The following GLDC variants were observed in gnomAD, a reference collection of about 807,000 sequenced individuals.
GLDC encodes the protein glycine dehydrogenase (decarboxylating), mitochondrial.
A neutral mutation model predicts 121.3 loss-of-function variants in GLDC; 104 were observed. The observed-to-expected ratio is 0.86, with a 90% CI of 0.73 to 1.01. The LOEUF (loss-of-function observed/expected upper bound fraction) is 1.01, where lower values mean the gene tolerates loss of function less well. Ranked by LOEUF, GLDC falls within the 50% of genes least tolerant of loss-of-function variation. The pLI, the probability that GLDC is intolerant of heterozygous loss-of-function variation, is 0.00. For missense variants in GLDC, 1,429 were observed against 1,306.6 expected (o/e 1.09, Z -1.44); for synonymous variants, 546 against 480.6 (o/e 1.14, Z -1.78).
intron 2 of GLDC, among the ~76,000 whole-genome samples, chr9:6,630,666 A>C (rs1819357340): frequency 1.3e-5 from 2 of 152,178 alleles, no homozygotes; most frequent in African/African-American, 4.8e-5. Context: ...CCAACATCCT[A>C]ATCCTCAGCT....
intron 15 of GLDC, among the ~76,000 whole-genome samples, chr9:6,572,941 G>GT: frequency 6.6e-6 from 1 of 152,188 alleles, no homozygotes; most frequent in East Asian, 1.9e-4. Flanking sequence ...TCACAAACAG[G>GT]TATTTCCTGC....
intron 15 of GLDC, among the ~76,000 whole-genome samples, chr9:6,586,764 G>C (rs560988685): frequency 8.5e-5 from 13 of 152,290 alleles, no homozygotes; most frequent in Non-Finnish European, 1.6e-4. Flanking sequence ...AATCTGGAAG[G>C]GATGCAGTGT....
chr9:6,587,413 AATTT>A, intron 14 of GLDC, 130 bp from the exon 15 acceptor site: 1 of 711,254 alleles, frequency 1.4e-6, no homozygotes, highest in East Asian at 2.7e-5. Flanking sequence ...TACATATGTT[AATTT>A]ATTTAAGTTC....
At chr9:6,543,711 T>C (rs149243987) in intron 21 of GLDC, among the ~76,000 whole-genome samples, 4 of 152,296 alleles carry the variant, frequency 2.6e-5, no homozygotes, top group East Asian at 1.9e-4. Flanking sequence ...GATCCTAAGA[T>C]GTTCTTTGCA....
intron 2 of GLDC, among the ~76,000 whole-genome samples, chr9:6,642,960 G>A (rs1819657948): frequency 6.6e-6 from 1 of 151,666 alleles, no homozygotes; most frequent in Admixed American, 6.6e-5. Flanking sequence ...GTGCAGTGGA[G>A]CCATCTTGGC....
chr9:6,633,937 C>A (rs1376221372), intron 2 of GLDC, among the ~76,000 whole-genome samples: 1 of 144,330 alleles, frequency 6.9e-6, no homozygotes, highest in East Asian at 2.1e-4. Context: ...TCACGCCATT[C>A]TCCTGCCTCA....
intron 5 of GLDC, chr9:6,605,873 G>T (rs1432321331): frequency 1.1e-5 from 2 of 174,060 alleles, no homozygotes; most frequent in Non-Finnish European, 2.5e-5. Flanking sequence ...TCTCACCTAG[G>T]GACTCTGCAC....
intron 8 of GLDC, among the ~76,000 whole-genome samples, chr9:6,599,195 A>G (rs1022988598): frequency 6.6e-6 from 1 of 152,010 alleles, no homozygotes; most frequent in African/African-American, 2.4e-5. Flanking sequence ...AAAAAAAAAA[A>G]AAAGAAAGAA....
chr9:6,536,756 AATATT>A (rs1817137382), intron 22 of GLDC, among the ~76,000 whole-genome samples: 2 of 152,198 alleles, frequency 1.3e-5, no homozygotes, highest in Non-Finnish European at 2.9e-5. Context: ...GAGAAATAAA[AATATT>A]ATAGCTTATC....
At chr9:6,622,913 G>T in intron 2 of GLDC, 1 of 209,238 alleles carries the variant, frequency 4.8e-6, no homozygotes, top group Non-Finnish European at 9.6e-6. Flanking sequence ...GGGATGTGAG[G>T]AGCACCTCTG....
chr9:6,614,625 G>A (rs1429289978), intron 3 of GLDC, among the ~76,000 whole-genome samples: 1 of 151,290 alleles, frequency 6.6e-6, no homozygotes, highest in African/African-American at 2.4e-5. Flanking sequence ...CTGGGCTCAA[G>A]TGATCCTTCC....
At position 6,592,271 on chromosome 9, in the gene GLDC, T is replaced by C. The variant is rs377574365; in HGVS notation, c.1402-48A>G. 48 of 1,131,992 alleles carry C rather than the reference T, an allele frequency of 4.2e-5. No individual in the cohort carries two copies. In the African/African-American group the frequency reaches 5.9e-4, roughly 14 times the overall value. The allele number at this position is 1,131,992 out of a possible 1,614,324, so 70.1% of individuals were successfully genotyped here. ...GAAAACATCAACTCTAAACTCCACA[T>C]CACTGGAGGAATCCCAAGAGAGGTC... On this transcript the variant is annotated intron_variant, in intron 10 of 24. Coordinates refer to ENST00000321612, the MANE Select transcript of GLDC (RefSeq NM_000170.3).
chr9:6,575,351 C>A (rs1478093746), intron 15 of GLDC, among the ~76,000 whole-genome samples: 17 of 152,204 alleles, frequency 1.1e-4, no homozygotes, highest in African/African-American at 4.1e-4. Context: ...TAACATGCAG[C>A]CAGGTCCAAG....
At chr9:6,631,462 C>T (rs1819376004) in intron 2 of GLDC, among the ~76,000 whole-genome samples, 1 of 152,222 alleles carries the variant, frequency 6.6e-6, no homozygotes, top group South Asian at 2.1e-4. Context: ...TATTTTACTC[C>T]TTGAACTTGG....
chr9:6,639,396 G>A (rs1287536651), intron 2 of GLDC: 13 of 750,072 alleles, frequency 1.7e-5, no homozygotes, highest in East Asian at 1.4e-4. Context: ...CCACTGAGTC[G>A]CCATGAAGAA....
intron 1 of GLDC, among the ~76,000 whole-genome samples, 155 bp downstream of exon 1, chr9:6,645,090 A>C (rs1819713862): frequency 6.6e-6 from 1 of 152,216 alleles, no homozygotes; most frequent in Admixed American, 6.5e-5. Flanking sequence ...ACGAGGACCA[A>C]AGGCACGAAT....
intron 2 of GLDC, among the ~76,000 whole-genome samples, chr9:6,623,679 T>TG (rs1238120814): frequency 3.3e-5 from 5 of 152,196 alleles, no homozygotes; most frequent in African/African-American, 1.2e-4. Context: ...AAGAGAGTCT[T>TG]GAAGTTATTA....
intron 20 of GLDC, 126 bp downstream of exon 20, chr9:6,553,242 T>A (rs1817552076): frequency 4.7e-6 from 4 of 850,706 alleles, no homozygotes; most frequent in Non-Finnish European, 5.7e-6. Flanking sequence ...TCAGCAATAT[T>A]CTTTGAACCA....
intron 15 of GLDC, among the ~76,000 whole-genome samples, chr9:6,581,423 C>G (rs1344891292): frequency 6.6e-6 from 1 of 152,208 alleles, no homozygotes; most frequent in African/African-American, 2.4e-5. Context: ...ACATAAACTT[C>G]TTGTACTGAA....
Sources: gnomAD v4.1 joint callset for allele counts (sites outside exome capture counted in the v4.1 genomes callset) on GRCh38, gnomAD v4.1.1 for gene constraint, MANE v1.5 for transcripts, NCBI Gene and HGNC (gene_info 2026-07-23, HGNC 2026-07-21) for gene names.